CFAP52: variants seen among roughly 807,000 people sequenced by gnomAD.
CFAP52 encodes the protein cilia and flagella associated protein 52.
A neutral mutation model predicts 70.5 loss-of-function variants in CFAP52; 57 were observed. That is an observed-to-expected ratio of 0.81 (90% CI 0.65 to 1.01). The LOEUF is 1.01. Ranked by LOEUF, CFAP52 falls within the 50% of genes least tolerant of loss-of-function variation. The pLI, the probability that CFAP52 is intolerant of heterozygous loss-of-function variation, is 0.00. For missense variants in CFAP52, 785 were observed against 788.5 expected (o/e 1.00, Z 0.05); for synonymous variants, 267 against 292.5 (o/e 0.91, Z 0.89).
At chr17:9,610,065 C>T (rs78430112) in intron 7 of CFAP52, among the ~76,000 whole-genome samples, 3 of 151,790 alleles carry the variant, frequency 2.0e-5, no homozygotes, top group Admixed American at 6.6e-5. Flanking sequence ...AATTTACAAC[C>T]GAACCTGAAT....
chr17:9,623,493 A>G (rs1275162128), intron 8 of CFAP52, among the ~76,000 whole-genome samples: 1 of 152,226 alleles, frequency 6.6e-6, no homozygotes, highest in African/African-American at 2.4e-5. Flanking sequence ...ATGCAATATT[A>G]TAATTTTTGC....
At chr17:9,581,178 G>A (rs534042649) in intron 1 of CFAP52, among the ~76,000 whole-genome samples, 3 of 152,202 alleles carry the variant, frequency 2.0e-5, no homozygotes, top group South Asian at 2.1e-4. Context: ...TTAGCCGGGC[G>A]CGGTGGCGGG....
In CFAP52 at chr17:9,643,052, G is replaced by A; in HGVS notation, c.1717G>A (p.Asp573Asn). ...GGNDHLVKVW[D>N]YNEGEVTHVG... ...AAATGACCATCTGGTCAAAGTTTGG[G>A]ATTATAATGAGGGTGAAGTGACTCA... is the stretch of plus-strand genomic sequence containing the variant. Residue 573 changes from aspartate (D) to asparagine (N), a missense_variant, in exon 14 of 14, where the codon GAT becomes AAT. Asp to Asn is a conservative substitution (Grantham distance 23). Transcript: ENST00000352665. The A allele has an allele frequency of 1.2e-6, 2 of 1,608,980 alleles. No individual in the cohort carries two copies. Among genetic ancestry groups the A allele is most frequent in the African/African-American group, 1.3e-5 (1 of 74,950 alleles).
chr17:9,586,875 T>C, intron 3 of CFAP52, 41 bp downstream of exon 3: 1 of 1,539,354 alleles, frequency 6.5e-7, no homozygotes, highest in Non-Finnish European at 8.7e-7. Context: ...TTTATTTTTT[T>C]TAACTTTTAT....
In CFAP52 at chr17:9,584,123, GC is replaced by G. The variant is rs1908341819; in HGVS notation, c.71-1649del. On this transcript the variant is annotated intron_variant, in intron 1 of 13. Coordinates refer to ENST00000352665, the MANE Select transcript of CFAP52 (RefSeq NM_145054.5). The stretch of plus-strand genomic sequence containing the variant: ...ATGCCATCTGCCCTGTTCTTACCAG[GC>G]TGGTCAGCCCATTCCCAGAGTTGTT... 79 of 1,117,102 alleles carry G rather than the reference GC, an allele frequency of 7.1e-5. No individual in the cohort carries two copies. In the South Asian group the frequency reaches 1.3e-3, roughly 19 times the overall value. 69.2% of individuals were successfully genotyped at this position (1,117,102 alleles called of 1,614,324 possible). A position where few individuals can be genotyped will look rare whatever the true frequency, so the allele number is the denominator to read the frequency against.
intron 9 of CFAP52, among the ~76,000 whole-genome samples, chr17:9,631,096 G>GAAAGAA (rs60601081): frequency 2.0e-4 from 29 of 146,566 alleles, no homozygotes; most frequent in African/African-American, 6.4e-4. Context: ...AAGAAAGAAA[G>GAAAGAA]AGAAAGAAAG....
At chr17:9,596,728 T>C (rs1263617595) in intron 4 of CFAP52, among the ~76,000 whole-genome samples, 4 of 151,914 alleles carry the variant, frequency 2.6e-5, no homozygotes, top group Non-Finnish European at 5.9e-5. Context: ...GTGTGTTTTT[T>C]TTTTGAGATG....
At chr17:9,636,373 C>A (rs1363169204) in intron 11 of CFAP52, among the ~76,000 whole-genome samples, 1 of 152,152 alleles carries the variant, frequency 6.6e-6, no homozygotes, top group Admixed American at 6.5e-5. Flanking sequence ...CCTTTCCCCT[C>A]GGTTGGCTGC....
At chr17:9,630,307 G>A (rs967908613) in intron 9 of CFAP52, among the ~76,000 whole-genome samples, 1 of 150,670 alleles carries the variant, frequency 6.6e-6, no homozygotes, top group African/African-American at 2.4e-5. Context: ...GGCCAGGCGC[G>A]GTGGCTCACG....
chr17:9,580,318 T>TG (rs1908155427), intron 1 of CFAP52, among the ~76,000 whole-genome samples: 1 of 134,760 alleles, frequency 7.4e-6, no homozygotes, highest in Non-Finnish European at 1.6e-5. Flanking sequence ...GGACCTTTCT[T>TG]AAAAAAAAAA....
intron 1 of CFAP52, among the ~76,000 whole-genome samples, chr17:9,579,446 A>G (rs1417168832): frequency 6.6e-6 from 1 of 152,180 alleles, no homozygotes; most frequent in Non-Finnish European, 1.5e-5. Flanking sequence ...CTGGAATTAG[A>G]TTTCAGAGGC....
intron 9 of CFAP52, among the ~76,000 whole-genome samples, chr17:9,631,060 AAGAAAGAAAGAAAGAAAGAAAG>A (rs1910502837): frequency 7.4e-5 from 7 of 94,520 alleles, no homozygotes; most frequent in East Asian, 4.3e-4. Flanking sequence ...GAGAGAAAGA[AAGAAAGAAAGAAAGAAAGAAAG>A]AGAAAGAAAG....
chr17:9,638,478 G>A (rs1358288805), intron 11 of CFAP52, 131 bp from the exon 12 acceptor site: 2 of 727,596 alleles, frequency 2.7e-6, no homozygotes, highest in Admixed American at 4.6e-5. Context: ...ACTTTGCTGA[G>A]CAGTATGAGA....
chr17:9,579,022 G>C (rs1908096270), intron 1 of CFAP52, among the ~76,000 whole-genome samples: 1 of 152,182 alleles, frequency 6.6e-6, no homozygotes, highest in African/African-American at 2.4e-5. Flanking sequence ...TCAAGGCTGG[G>C]AACTCTGCTT....
chr17:9,640,137 G>A (rs991535154), intron 12 of CFAP52, among the ~76,000 whole-genome samples: 1 of 152,108 alleles, frequency 6.6e-6, no homozygotes, highest in East Asian at 1.9e-4. Flanking sequence ...CAGAGTGACT[G>A]GAACACAGCA....
chr17:9,578,702 C>T (rs570234046), intron 1 of CFAP52, among the ~76,000 whole-genome samples: 2 of 152,100 alleles, frequency 1.3e-5, no homozygotes, highest in South Asian at 2.1e-4. Flanking sequence ...CCCACCACCA[C>T]GCCTGGCTAA....
In CFAP52 at chr17:9,612,497, A is replaced by G. The variant is rs1377534633; in HGVS notation, c.1025+18A>G. On this transcript the variant is annotated intron_variant, in intron 8 of 13. Transcript: ENST00000352665. ...TTTCCATTGTGAGTAGAAGAGAAAAACAAGAATGTGGAGATTTGATGCAGT... is the reference window on the plus strand; with the variant it reads ...TTTCCATTGTGAGTAGAAGAGAAAAGCAAGAATGTGGAGATTTGATGCAGT... 1.9e-6 allele frequency: 3 copies of G among 1,607,452 alleles called. No homozygotes were observed. Among genetic ancestry groups the G allele is most frequent in the African/African-American group, 1.3e-5 (1 of 74,820 alleles).
intron 13 of CFAP52, among the ~76,000 whole-genome samples, chr17:9,642,449 C>T (rs1381784789): frequency 6.6e-6 from 1 of 151,990 alleles, no homozygotes; most frequent in Non-Finnish European, 1.5e-5. Flanking sequence ...CATGGTGAAA[C>T]CCTGTGTCTA....
intron 6 of CFAP52, 127 bp from the exon 7 acceptor site, chr17:9,607,992 A>T: frequency 1.6e-6 from 1 of 633,038 alleles, no homozygotes; most frequent in Non-Finnish European, 2.5e-6. Flanking sequence ...TTTTTCATTA[A>T]TATTTAAAAT....
Sources: gnomAD v4.1 joint callset for allele counts (sites outside exome capture counted in the v4.1 genomes callset) on GRCh38, gnomAD v4.1.1 for gene constraint, MANE v1.5 for transcripts, NCBI Gene and HGNC (gene_info 2026-07-23, HGNC 2026-07-21) for gene names.